Variants in PTK2 observed in about 807,000 individuals in gnomAD.
PTK2 encodes the protein focal adhesion kinase 1.
PTK2 carries 45 observed loss-of-function variants against 150.1 expected under a neutral mutation model. The observed-to-expected ratio is 0.30, with a 90% CI of 0.24 to 0.38. The LOEUF (loss-of-function observed/expected upper bound fraction) is 0.38, where lower values mean the gene tolerates loss of function less well. PTK2 is among the 10% of genes least tolerant of loss of function. The pLI is 1.00. For synonymous variants in PTK2, 432 were observed against 449.2 expected (o/e 0.96, Z 0.48); for missense variants, 919 against 1,307.3 (o/e 0.70, Z 4.58).
chr8:140,773,001 T>A (rs1416839605), intron 14 of PTK2, among the ~76,000 whole-genome samples: 1 of 152,144 alleles, frequency 6.6e-6, no homozygotes, highest in African/African-American at 2.4e-5. Context: ...GCTACCTCCA[T>A]TAAGGAGGTT....
chr8:140,858,221 A>C (rs780280162), intron 5 of PTK2, among the ~76,000 whole-genome samples: 15 of 152,098 alleles, frequency 9.9e-5, no homozygotes, highest in Non-Finnish European at 2.2e-4. Context: ...AAAGACAAGA[A>C]ATTAAAAACA....
chr8:140,815,181 A>G (rs956350487), intron 10 of PTK2, among the ~76,000 whole-genome samples: 1 of 152,140 alleles, frequency 6.6e-6, no homozygotes, highest in African/African-American at 2.4e-5. Flanking sequence ...TAGACTGGAT[A>G]AAGAAAATGT....
rs2100167209 is a variant in PTK2 at position 140,921,051 on chromosome 8, T to C, written c.-33+4610A>G. Reference sequence around the variant, plus strand: ...CTTTTTTCAGAGCTTGAAGCAAAATTTGGAAGGTGTTCCTTCTGTAATATT... The same window carrying C: ...CTTTTTTCAGAGCTTGAAGCAAAATCTGGAAGGTGTTCCTTCTGTAATATT... On this transcript the variant is annotated intron_variant, in intron 2 of 31. Coordinates refer to ENST00000522684, the Ensembl canonical transcript of PTK2. The C allele has an allele frequency of 3.0e-6, 4 of 1,314,828 alleles. No individual in the cohort carries two copies. In the South Asian group the frequency reaches 6.7e-5, roughly 22 times the overall value. The allele number at this position is 1,314,828 out of a possible 1,614,324, so 81.4% of individuals were successfully genotyped here. A position where few individuals can be genotyped will look rare whatever the true frequency, so the allele number is the denominator to read the frequency against.
intron 1 of PTK2, among the ~76,000 whole-genome samples, chr8:140,996,271 A>G (rs2100197750): frequency 6.6e-6 from 1 of 152,236 alleles, no homozygotes. Context: ...AAAAGCTGGA[A>G]GCTAGCAGAG....
At chr8:140,927,968 A>G (rs1245001485) in intron 1 of PTK2, among the ~76,000 whole-genome samples, 8 of 92,090 alleles carry the variant, frequency 8.7e-5, no homozygotes, top group Non-Finnish European at 1.5e-4. Flanking sequence ...GAAAAAAAAA[A>G]AAAAAAAATA....
intron 1 of PTK2, chr8:140,984,141 T>C (rs13258775): frequency 0.43 from 65,376 of 153,498 alleles, 15,688 homozygotes; most frequent in Non-Finnish European, 0.55. Context: ...GCAGCCTGGG[T>C]GACACAGCAA....
intron 24 of PTK2, among the ~76,000 whole-genome samples, chr8:140,705,190 T>C (rs2100032993): frequency 6.6e-6 from 1 of 152,206 alleles, no homozygotes; most frequent in African/African-American, 2.4e-5. Context: ...AGTGCTTACA[T>C]TCTCCCTTAT....
At position 140,754,123 on chromosome 8, in the gene PTK2, C is replaced by A. The variant is rs115120439; in HGVS notation, c.1333-1807G>T. Among the ~76,000 whole-genome samples the A allele has an allele frequency of 2.0e-3, 307 of 152,294 alleles. 3 individuals carry two copies. The highest frequency in any genetic ancestry group is 7.2e-3 in the African/African-American group (299 of 41,568). ...CTGAATGGTAAGAGAACTGTATCAT[C>A]GACTCAGGGACTGCATTCCCTTTCT... On this transcript the variant is annotated intron_variant, in intron 16 of 31. Transcript: ENST00000522684.
chr8:140,896,890 G>T (rs189393626), intron 2 of PTK2, among the ~76,000 whole-genome samples: 1 of 150,586 alleles, frequency 6.6e-6, no homozygotes, highest in East Asian at 2.0e-4. Flanking sequence ...CATAGATTAT[G>T]AAGAAAATCT....
At chr8:140,671,461 A>G (rs1163903036) in intron 29 of PTK2, among the ~76,000 whole-genome samples, 1 of 152,126 alleles carries the variant, frequency 6.6e-6, no homozygotes, top group Non-Finnish European at 1.5e-5. Flanking sequence ...GTCTCAAGCA[A>G]TCCACTTGCC....
At position 140,667,856 on chromosome 8, in the gene PTK2, T is replaced by C. The variant is rs531105761; in HGVS notation, c.2865+413A>G. 1.8e-4 allele frequency among the ~76,000 whole-genome samples: 28 copies of C among 152,334 alleles called. No homozygotes were observed. In the East Asian group the frequency reaches 4.0e-3, roughly 22 times the overall value. On this transcript the variant is annotated intron_variant, in intron 30 of 31. Coordinates refer to ENST00000522684, the Ensembl canonical transcript of PTK2. ...ATCTGAATTTGATAATGATCATTCC[T>C]CTACTTGTCTTTGCACTCCAACAAC...
exon 30 of PTK2, chr8:140,668,392 A>C (rs1482399781): frequency 6.2e-7 from 1 of 1,613,366 alleles, no homozygotes; most frequent in Non-Finnish European, 8.5e-7. Context: ...CCAGGTTGGC[A>C]GTAGGAGGGG....
chr8:140,882,952 T>C (rs929901349), intron 3 of PTK2, among the ~76,000 whole-genome samples: 1 of 152,232 alleles, frequency 6.6e-6, no homozygotes, highest in Non-Finnish European at 1.5e-5. Flanking sequence ...CTTATGATGA[T>C]CAATTTAATG....
chr8:140,744,924 T>C (rs1165895859), intron 18 of PTK2, 157 bp from the exon 22 acceptor site: 2 of 431,184 alleles, frequency 4.6e-6, no homozygotes, highest in Non-Finnish European at 8.3e-6. Context: ...TAAAGCATAA[T>C]AAATGAAACA....
chr8:140,795,071 C>T (rs1473257596), intron 12 of PTK2, among the ~76,000 whole-genome samples: 4 of 152,196 alleles, frequency 2.6e-5, no homozygotes, highest in Non-Finnish European at 5.9e-5. Context: ...TATCCAAAGT[C>T]CTCTTACTTG....
chr8:140,975,015 GCTT>G (rs1194285676), intron 1 of PTK2, among the ~76,000 whole-genome samples: 1 of 152,100 alleles, frequency 6.6e-6, no homozygotes. Flanking sequence ...TCAGAAACAG[GCTT>G]CACATCAATC....
At chr8:140,806,827 A>C (rs1039794376) in intron 10 of PTK2, among the ~76,000 whole-genome samples, 5 of 152,344 alleles carry the variant, frequency 3.3e-5, no homozygotes, top group African/African-American at 9.6e-5. Context: ...TAATTTCAGG[A>C]TAGCAAAAGA....
intron 14 of PTK2, 62 bp downstream of exon 15, chr8:140,770,654 G>C (rs1252186634): frequency 2.5e-6 from 2 of 808,120 alleles, no homozygotes; most frequent in Non-Finnish European, 1.7e-6. Flanking sequence ...CATCAGGTTA[G>C]AGTTAGTTTC....
chr8:140,888,740 TG>T (rs1181323734), intron 3 of PTK2, among the ~76,000 whole-genome samples: 1 of 151,758 alleles, frequency 6.6e-6, no homozygotes, highest in Non-Finnish European at 1.5e-5. Context: ...CTTTCCTAGG[TG>T]AGTCTTCTGA....
Sources: allele counts gnomAD v4.1 joint callset (sites outside exome capture counted in the v4.1 genomes callset), GRCh38; gene constraint gnomAD v4.1.1; transcripts MANE v1.5; gene names NCBI Gene and HGNC (gene_info 2026-07-23, HGNC 2026-07-21).